Variants in PRKN observed in about 807,000 individuals in gnomAD.
PRKN encodes the protein E3 ubiquitin-protein ligase parkin.
In PRKN, 56 loss-of-function variants were observed where a neutral mutation model predicts 59.5. The observed-to-expected ratio is 0.94, with a 90% CI of 0.76 to 1.18. The LOEUF is 1.18. Ranked by LOEUF, PRKN falls within the 50% of genes most tolerant of loss-of-function variation. The probability of loss-of-function intolerance (pLI) is 0.00; values close to 1 mark genes in which losing one functional copy is unlikely to be tolerated. For synonymous variants in PRKN, 250 were observed against 222.1 expected (o/e 1.13, Z -1.12); for missense variants, 657 against 596.4 (o/e 1.10, Z -1.06).
In PRKN at chr6:161,361,571, C is replaced by T. The variant is rs956738367; in HGVS notation, c.1168-1366G>A. ...TTACCAAACATCCAAAATAGGACCC[C>T]GTGAAATGGGCAGGGCACATGGGTG... On this transcript the variant is annotated intron_variant, in intron 10 of 11. Transcript: ENST00000366898. This position sits in a 1 kb window ranked among gnomAD's most constrained non-coding sequence, Gnocchi z 5.2. 3.9e-5 allele frequency among the ~76,000 whole-genome samples: 6 copies of T among 152,120 alleles called. No homozygotes were observed. The highest frequency in any genetic ancestry group is 6.5e-5 in the Admixed American group (1 of 15,270).
intron 6 of PRKN, among the ~76,000 whole-genome samples, chr6:161,882,329 C>T (rs1186405295): frequency 6.6e-6 from 1 of 152,090 alleles, no homozygotes; most frequent in Non-Finnish European, 1.5e-5. Flanking sequence ...ATCACAGCAA[C>T]GGCATGGGGG....
At chr6:162,633,201 A>C (rs1452307054) in intron 1 of PRKN, among the ~76,000 whole-genome samples, 4 of 151,782 alleles carry the variant, frequency 2.6e-5, no homozygotes, top group African/African-American at 4.8e-5. Context: ...TGGGAGGCCG[A>C]GGTGGGTGGA....
intron 4 of PRKN, among the ~76,000 whole-genome samples, chr6:162,133,341 T>C (rs1359957011): frequency 6.6e-6 from 1 of 152,124 alleles, no homozygotes; most frequent in East Asian, 1.9e-4. Context: ...GATGGGGGCC[T>C]GTATAAGAAA....
chr6:161,917,921 G>C (rs1423468382), intron 6 of PRKN, among the ~76,000 whole-genome samples: 1 of 152,134 alleles, frequency 6.6e-6, no homozygotes, highest in Non-Finnish European at 1.5e-5. Flanking sequence ...AAAATTATAG[G>C]GCAGAATGAC....
At chr6:161,987,337 A>C (rs1781472748) in intron 5 of PRKN, among the ~76,000 whole-genome samples, 1 of 152,220 alleles carries the variant, frequency 6.6e-6, no homozygotes, top group Non-Finnish European at 1.5e-5. Context: ...TAAAAACTCA[A>C]CCAGCCATCC....
chr6:162,414,726 A>AAAAAAAAAAAAAGAAGT (rs34838356), intron 2 of PRKN, among the ~76,000 whole-genome samples: 1 of 91,870 alleles, frequency 1.1e-5, no homozygotes, highest in East Asian at 3.7e-4. Flanking sequence ...AAAAAAAAAA[A>AAAAAAAAAAAAAGAAGT]AGTGAATCTT....
At chr6:162,224,452 G>A (rs977294737) in intron 3 of PRKN, among the ~76,000 whole-genome samples, 1 of 152,116 alleles carries the variant, frequency 6.6e-6, no homozygotes, top group Non-Finnish European at 1.5e-5. Flanking sequence ...ACTCCATGAT[G>A]TTCACACAAT....
At chr6:162,319,627 A>C (rs567270440) in intron 2 of PRKN, among the ~76,000 whole-genome samples, 9 of 152,168 alleles carry the variant, frequency 5.9e-5, no homozygotes, top group Non-Finnish European at 1.3e-4. Context: ...CTAACAAACC[A>C]ATAAGGAAAA....
intron 5 of PRKN, among the ~76,000 whole-genome samples, chr6:162,021,154 A>G (rs367811895): frequency 1.1e-4 from 2 of 18,736 alleles, no homozygotes; most frequent in East Asian, 2.4e-3. Context: ...ATATATATAT[A>G]TATATATATA....
At position 161,391,612 on chromosome 6, in the gene PRKN, G is replaced by A. The variant is rs1361251278; in HGVS notation, c.1084-4735C>T. ...TTATGTATTAACTTGGCTAGGCTAT[G>A]GTCCTCAGTTACTCAAGCAGACACT... On this transcript the variant is annotated intron_variant, in intron 9 of 11. Coordinates refer to ENST00000366898, the MANE Select transcript of PRKN (RefSeq NM_004562.3). The surrounding 1 kb of genome is among the most constrained non-coding windows in gnomAD (Gnocchi z 4.9). Among the ~76,000 whole-genome samples, 2 of 151,968 alleles carry A rather than the reference G, an allele frequency of 1.3e-5. No individual in the cohort carries two copies. The highest frequency in any genetic ancestry group is 2.9e-5 in the Non-Finnish European group (2 of 67,998).
At chr6:162,296,207 G>T (rs1249640976) in intron 2 of PRKN, among the ~76,000 whole-genome samples, 1 of 148,988 alleles carries the variant, frequency 6.7e-6, no homozygotes, top group African/African-American at 2.5e-5. Context: ...AACAGAATGT[G>T]CCCATCCCCC....
intron 2 of PRKN, among the ~76,000 whole-genome samples, chr6:162,414,216 G>A (rs1788494845): frequency 6.6e-6 from 1 of 152,052 alleles, no homozygotes; most frequent in South Asian, 2.1e-4. Context: ...CAGATACAGA[G>A]CTGTTGGCTT....
intron 2 of PRKN, among the ~76,000 whole-genome samples, chr6:162,367,016 G>A (rs371266114): frequency 4.0e-4 from 61 of 152,150 alleles, no homozygotes; most frequent in African/African-American, 1.4e-3. Flanking sequence ...ATCTCATCTC[G>A]AATTGTAGTT....
chr6:162,516,608 T>C (rs576953219), intron 1 of PRKN, among the ~76,000 whole-genome samples: 111 of 151,850 alleles, frequency 7.3e-4, no homozygotes, highest in African/African-American at 2.6e-3. Flanking sequence ...AAAAATTAGC[T>C]GAGCATGGTG....
At chr6:161,411,428 T>C (rs1284476144) in intron 9 of PRKN, among the ~76,000 whole-genome samples, 2 of 152,196 alleles carry the variant, frequency 1.3e-5, no homozygotes, top group Admixed American at 1.3e-4. Context: ...TCCCCAGCCA[T>C]GTGGAATTGT....
At chr6:162,252,295 A>G (rs1779466914) in intron 3 of PRKN, among the ~76,000 whole-genome samples, 1 of 152,196 alleles carries the variant, frequency 6.6e-6, no homozygotes, top group Admixed American at 6.5e-5. Context: ...CCTCCCATGG[A>G]TATTTGTCAG....
At chr6:162,163,324 C>A (rs1054296721) in intron 4 of PRKN, among the ~76,000 whole-genome samples, 2 of 149,474 alleles carry the variant, frequency 1.3e-5, no homozygotes, top group Admixed American at 1.3e-4. Flanking sequence ...TGCTGGTCCT[C>A]ACTATTTTTC....
In PRKN at chr6:161,530,944, C is replaced by A. The variant is rs952764535; in HGVS notation, c.1083+17910G>T. On this transcript the variant is annotated intron_variant, in intron 9 of 11. Transcript: ENST00000366898. This position sits in a 1 kb window ranked among gnomAD's most constrained non-coding sequence, Gnocchi z 5.0. ...TCAAATCTTTACCAAAATCCTAACA[C>A]ATCAAATTTCAGTTTCATATTTTCA... Among the ~76,000 whole-genome samples, 13 of 152,330 alleles carry A rather than the reference C, an allele frequency of 8.5e-5. No individual in the cohort carries two copies. The highest frequency in any genetic ancestry group is 2.1e-4 in the South Asian group (1 of 4,828).
Position 161,638,953 on chromosome 6 carries a change from G to A in PRKN, c.872-69537C>T, listed in dbSNP as rs778809572. 3.9e-5 allele frequency among the ~76,000 whole-genome samples: 6 copies of A among 151,924 alleles called. No homozygotes were observed. The East Asian group carries it at 7.8e-4, about 20-fold the overall frequency. On this transcript the variant is annotated intron_variant, in intron 7 of 11. Coordinates refer to ENST00000366898, the MANE Select transcript of PRKN (RefSeq NM_004562.3). ...GACGGGGTTTCACCATGTTGGCTGC[G>A]CTGGTCTCAAACTCCTGACCTCAGG... is the stretch of plus-strand genomic sequence containing the variant.
Sources: gnomAD v4.1 joint callset for allele counts (sites outside exome capture counted in the v4.1 genomes callset) on GRCh38, gnomAD v4.1.1 for gene constraint, Gnocchi (gnomAD v3.1) non-coding constraint, MANE v1.5 for transcripts, NCBI Gene and HGNC (gene_info 2026-07-23, HGNC 2026-07-21) for gene names.